The following LIPA variants were observed in gnomAD, a reference collection of about 807,000 sequenced individuals.
LIPA encodes the protein lipase A, lysosomal acid type.
A neutral mutation model predicts 40.6 loss-of-function variants in LIPA; 26 were observed. The observed-to-expected ratio is 0.64, with a 90% confidence interval of 0.47 to 0.89. The LOEUF (loss-of-function observed/expected upper bound fraction) is 0.89. Ranked by LOEUF, LIPA falls within the 40% of genes least tolerant of loss-of-function variation. LIPA has a pLI of 0.00. For missense variants in LIPA, 455 were observed against 479.6 expected, an observed-to-expected ratio of 0.95 and a Z score of 0.48; for synonymous variants, 188 against 168.4, an observed-to-expected ratio of 1.12 and a Z score of -0.90.
At chr10:89,235,827 G>A (rs1347740805) in intron 3 of LIPA, among the ~76,000 whole-genome samples, 3 of 152,196 alleles carry the variant, frequency 2.0e-5, no homozygotes, top group East Asian at 3.8e-4. Flanking sequence ...TGAAGTATAG[G>A]TGTCCTTTTC....
In LIPA at chr10:89,248,463, T is replaced by TC. The variant is rs1491346356; in HGVS notation, c.-1-815_-1-814insG. Among the ~76,000 whole-genome samples, 388 of 116,628 alleles carry TC rather than the reference T, an allele frequency of 3.3e-3. 5 individuals are homozygous for TC. Among genetic ancestry groups the TC allele is most frequent in the African/African-American group, 0.014 (324 of 23,312 alleles). The allele number at this position is 116,628 out of a possible 152,430, so 76.5% of individuals were successfully genotyped here. A position where few individuals can be genotyped will look rare whatever the true frequency, so the allele number is the denominator to read the frequency against. Reference sequence around the variant, plus strand: ...TTTTATATTTATTTATTTATTTATTTATTTATTTATTTATTTATTTATTTA... The same window carrying TC: ...TTTTATATTTATTTATTTATTTATTTCATTTATTTATTTATTTATTTATTTA... On this transcript the variant is annotated intron_variant, in intron 1 of 9. Coordinates refer to ENST00000336233, the MANE Select transcript of LIPA (RefSeq NM_000235.4).
chr10:89,214,800 TTGG>T lies in LIPA; in HGVS notation c.*25_*27del. ...ATTTTCACATGACATAATCATTGAC[TTGG>T]TGGTACACAGCTCAAGTCCAGCTTT... On this transcript the variant is annotated 3_prime_UTR_variant, in exon 10 of 10. Coordinates refer to ENST00000336233, the MANE Select transcript of LIPA (RefSeq NM_000235.4). 7.8e-7 allele frequency: 1 copy of T among 1,284,760 alleles called. No individual in the cohort carries two copies. Among genetic ancestry groups the T allele is most frequent in the Non-Finnish European group, 1.1e-6 (1 of 880,496 alleles). 79.6% of individuals were successfully genotyped at this position (1,284,760 alleles called of 1,614,324 possible). A position where few individuals can be genotyped will look rare whatever the true frequency, so the allele number is the denominator to read the frequency against.
At chr10:89,225,304 T>A (rs1376633685) in intron 5 of LIPA, 76 bp from the exon 6 acceptor site, 38 of 1,571,518 alleles carry the variant, frequency 2.4e-5, no homozygotes, top group Non-Finnish European at 3.3e-5. Context: ...AGGCCGTCAC[T>A]CGCGACGCCC....
intron 3 of LIPA, among the ~76,000 whole-genome samples, chr10:89,243,736 C>T (rs1233368584): frequency 6.6e-6 from 1 of 152,124 alleles, no homozygotes; most frequent in Non-Finnish European, 1.5e-5. Flanking sequence ...GGCACTGCAC[C>T]TTCCCCTGCA....
intron 2 of LIPA, 37 bp from the exon 3 acceptor site, chr10:89,245,830 G>A (rs372860652): frequency 5.1e-5 from 52 of 1,024,004 alleles, no homozygotes; most frequent in Non-Finnish European, 7.3e-5. Flanking sequence ...TGGGTGGACA[G>A]AATCTGAAAC....
At chr10:89,216,930 C>G (rs530326084) in intron 8 of LIPA, among the ~76,000 whole-genome samples, 1 of 152,242 alleles carries the variant, frequency 6.6e-6, no homozygotes, top group African/African-American at 2.4e-5. Flanking sequence ...CATGCCAGCA[C>G]AATTCTAACT....
intron 2 of LIPA, among the ~76,000 whole-genome samples, chr10:89,368,565 G>T: frequency 6.6e-6 from 1 of 152,154 alleles, no homozygotes; most frequent in Non-Finnish European, 1.5e-5. Context: ...TGGGACCATT[G>T]TCTTAAGTGG....
Position 89,381,143 on chromosome 10 carries a change from G to A in LIPA, c.61+31648C>T, listed in dbSNP as rs141777222. Among the ~76,000 whole-genome samples, 456 of 152,260 alleles carry A rather than the reference G, an allele frequency of 3.0e-3. 2 individuals are homozygous for A. Among genetic ancestry groups the A allele is most frequent in the African/African-American group, 0.01 (424 of 41,534 alleles). ...CTAGCAGCTGAGATGCTGAGATTGG[G>A]TACATATTTAGAAAGCTTGGAATGG... On this transcript the variant is annotated intron_variant, in intron 2 of 8. Coordinates refer to the LIPA transcript ENST00000371837.
rs117997602 is a variant in LIPA, at chr10:89,303,484, T to C, written c.-2+39127A>G. On this transcript the variant is annotated intron_variant, in intron 1 of 5. Coordinates refer to the LIPA transcript ENST00000282673. ...GTTGTGTATACAACTGGAACTTCTA[T>C]AGGAATCGGGAGAATAGGTCCTCAC... 5.8e-3 allele frequency among the ~76,000 whole-genome samples: 877 copies of C among 152,320 alleles called. 4 individuals carry two copies. Among genetic ancestry groups the C allele is most frequent in the Middle Eastern group, 0.017 (5 of 294 alleles).
intron 8 of LIPA, among the ~76,000 whole-genome samples, chr10:89,216,424 TA>T (rs1413321081): frequency 0.011 from 1,673 of 149,156 alleles, 9 homozygotes; most frequent in African/African-American, 0.028. Flanking sequence ...TATATATATA[TA>T]ATAGAGAGAG....
chr10:89,407,236 A>G lies in LIPA; in HGVS notation c.61+5555T>C, dbSNP rs544757863. Among the ~76,000 whole-genome samples, 11 of 152,266 alleles carry G rather than the reference A, an allele frequency of 7.2e-5. No individual in the cohort carries two copies. In the South Asian group the frequency reaches 1.5e-3, roughly 20 times the overall value. ...CATGTCGCCCAAGTGAGACTCACCT[A>G]TCTATTCTATCTACCCTAACCCTTG... is the stretch of plus-strand genomic sequence containing the variant. On this transcript the variant is annotated intron_variant, in intron 2 of 8. Coordinates refer to the LIPA transcript ENST00000371837.
At chr10:89,350,324 T>TTTTTTTTTTTTTGG (rs1384771963) in intron 2 of LIPA, among the ~76,000 whole-genome samples, 1 of 151,370 alleles carries the variant, frequency 6.6e-6, no homozygotes, top group Admixed American at 6.6e-5. Context: ...CCTTTTTTTT[T>TTTTTTTTTTTTTGG]AAGACGGAGT....
chr10:89,393,402 A>G (rs962800963), intron 2 of LIPA: 2 of 827,484 alleles, frequency 2.4e-6, no homozygotes, highest in East Asian at 1.3e-4. Context: ...TTCCTTACCT[A>G]AAGGGCCTAA....
Position 89,213,781 on chromosome 10 carries a change from T to C in LIPA, c.*1047A>G, listed in dbSNP as rs1294013672. On this transcript the variant is annotated 3_prime_UTR_variant, in exon 10 of 10. Transcript: ENST00000336233. ...ATGCTGCAAGAAAAGCAGACAAATA[T>C]GGACTTCCCAACATAGGGACGTGAA... The C allele has an allele frequency of 6.6e-6, 1 of 152,162 alleles. No homozygotes were observed. Among genetic ancestry groups the C allele is most frequent in the Non-Finnish European group, 1.5e-5 (1 of 68,026 alleles). The allele number at this position is 152,162 out of a possible 1,614,324, so 9.4% of individuals were successfully genotyped here.
rs1340865245 is a variant in LIPA at position 89,227,753 on chromosome 10, C to T, written c.428+447G>A. Among the ~76,000 whole-genome samples the T allele has an allele frequency of 2.6e-5, 4 of 152,128 alleles. 1 individual carries two copies. In the East Asian group the frequency reaches 7.7e-4, roughly 29 times the overall value. ...TATGAGGTAGGTGTTTATTACGCTCCATTTTACAAATAAGGAAACCGAGAC... is the reference window on the plus strand; with the variant it reads ...TATGAGGTAGGTGTTTATTACGCTCTATTTTACAAATAAGGAAACCGAGAC... On this transcript the variant is annotated intron_variant, in intron 4 of 9. Coordinates refer to ENST00000336233, the MANE Select transcript of LIPA (RefSeq NM_000235.4).
intron 8 of LIPA, among the ~76,000 whole-genome samples, chr10:89,217,546 C>G (rs1003647959): frequency 3.9e-5 from 6 of 152,218 alleles, no homozygotes; most frequent in Non-Finnish European, 7.3e-5. Context: ...AGCGTGAGCA[C>G]AGAATACAAA....
At chr10:89,234,495 G>A (rs1285716932) in intron 3 of LIPA, among the ~76,000 whole-genome samples, 1 of 152,214 alleles carries the variant, frequency 6.6e-6, no homozygotes, top group African/African-American at 2.4e-5. Flanking sequence ...CGAATCCTCG[G>A]GTGAAAAACC....
chr10:89,315,059 A>T (rs1423225097), intron 1 of LIPA, among the ~76,000 whole-genome samples: 2 of 152,180 alleles, frequency 1.3e-5, no homozygotes, highest in Non-Finnish European at 2.9e-5. Flanking sequence ...CCTGGGCTGG[A>T]TGTTTAGGGT....
chr10:89,241,143 C>A (rs570462903), intron 3 of LIPA, among the ~76,000 whole-genome samples: 1 of 152,130 alleles, frequency 6.6e-6, no homozygotes, highest in African/African-American at 2.4e-5. Context: ...CAGGTCAGAG[C>A]GGTTAACCAG....
Sources: gnomAD v4.1 joint callset for allele counts (sites outside exome capture counted in the v4.1 genomes callset) on GRCh38, gnomAD v4.1.1 for gene constraint, MANE v1.5 for transcripts, NCBI Gene and HGNC (gene_info 2026-07-23, HGNC 2026-07-21) for gene names.